The following NWD1 variants were observed in gnomAD, a reference collection of about 807,000 sequenced individuals.
NWD1 encodes NACHT domain- and WD repeat-containing protein 1.
In NWD1, 129 loss-of-function variants were observed where a neutral mutation model predicts 135.1. The observed-to-expected ratio is 0.96, with a 90% CI of 0.83 to 1.11. NWD1 has a LOEUF of 1.11. Among genes scored for constraint, NWD1 ranks in the 50% least tolerant of loss-of-function variants. NWD1 has a pLI of 0.00. For synonymous variants in NWD1, 773 were observed against 786.0 expected (o/e 0.98, Z 0.28); for missense variants, 1,740 against 1,851.3 (o/e 0.94, Z 1.10).
intron 10 of NWD1, among the ~76,000 whole-genome samples, chr19:16,768,514 T>C (rs1345321427): frequency 6.6e-6 from 1 of 152,246 alleles, no homozygotes; most frequent in Non-Finnish European, 1.5e-5. Context: ...CCACAAAAGC[T>C]ACACCATTTT....
chr19:16,771,857 AGCCTC>A (rs1172308858), intron 10 of NWD1, among the ~76,000 whole-genome samples: 2 of 134,384 alleles, frequency 1.5e-5, no homozygotes, highest in Non-Finnish European at 3.1e-5. Flanking sequence ...TTTGAGAAGG[AGCCTC>A]GCTCTGTCAC....
Position 16,807,986 on chromosome 19 carries a change from C to T in NWD1, c.4137C>T (p.Ser1379=), listed in dbSNP as rs1310112059. The T allele has an allele frequency of 1.2e-6, 2 of 1,614,114 alleles. No homozygotes were observed. Among genetic ancestry groups the T allele is most frequent in the African/African-American group, 1.3e-5 (1 of 75,020 alleles). ...TCTTTCTTTACGAGTGTGCAACTTC[C>T]AAAGCGTTTCCCTTGGAGACCCACA... ...GDLFLYECAT[S]KAFPLETHRS... is the part of the protein sequence containing the mutation. Residue 1379 remains serine, a synonymous_variant, in exon 18 of 19, where the codon TCC becomes TCT. Coordinates refer to ENST00000524140, the MANE Select transcript of NWD1 (RefSeq NM_001007525.5).
In NWD1 at chr19:16,749,230, C is replaced by A. The variant is rs369850508; in HGVS notation, c.588C>A (p.His196Gln). The A allele has an allele frequency of 1.5e-5, 24 of 1,614,010 alleles. No homozygotes were observed. Among genetic ancestry groups the A allele is most frequent in the Middle Eastern group, 1.6e-4 (1 of 6,084 alleles). The change falls in exon 6 of 19, where the codon CAC (histidine) becomes CAA (glutamine). Residue 196 changes from histidine to glutamine, a missense_variant. By Grantham distance (24) the His-to-Gln change is conservative. Coordinates refer to ENST00000524140, the MANE Select transcript of NWD1 (RefSeq NM_001007525.5). Reference protein sequence around the residue: ...TVFLREIQDLHKHILEDCALR... With the variant: ...TVFLREIQDLQKHILEDCALR... Reference sequence around the variant, plus strand: ...TCCTTAGAGAGATCCAAGACCTCCACAAACACATCCTTGAAGACTGCGCCC... The same window carrying A: ...TCCTTAGAGAGATCCAAGACCTCCAAAAACACATCCTTGAAGACTGCGCCC...
At chr19:16,784,358 C>G (rs28713378) in intron 12 of NWD1, among the ~76,000 whole-genome samples, 1 of 151,738 alleles carries the variant, frequency 6.6e-6, no homozygotes, top group Non-Finnish European at 1.5e-5. Context: ...ACAGCCAGAC[C>G]CGTATCTCTA....
chr19:16,793,101 A>G (rs996879351), intron 14 of NWD1, among the ~76,000 whole-genome samples: 3 of 151,918 alleles, frequency 2.0e-5, no homozygotes, highest in African/African-American at 7.2e-5. Context: ...GAATCATCCC[A>G]AATCCCAAAG....
intron 17 of NWD1, among the ~76,000 whole-genome samples, chr19:16,802,044 G>C (rs932453603): frequency 2.4e-4 from 36 of 152,016 alleles, no homozygotes; most frequent in Admixed American, 1.3e-3. Flanking sequence ...CCAGCACTTT[G>C]GGAGGCTGAG....
At chr19:16,750,830 A>G (rs1968547671) in intron 6 of NWD1, among the ~76,000 whole-genome samples, 1 of 152,136 alleles carries the variant, frequency 6.6e-6, no homozygotes, top group South Asian at 2.1e-4. Context: ...TTTGTCAACT[A>G]TACCTCAAAA....
intron 3 of NWD1, among the ~76,000 whole-genome samples, chr19:16,732,751 C>T (rs1967633679): frequency 6.6e-6 from 1 of 151,326 alleles, no homozygotes. Context: ...CCTCCTGTCT[C>T]AGCCTTCTGA....
At chr19:16,775,901 C>T (rs1253129539) in intron 11 of NWD1, among the ~76,000 whole-genome samples, 1 of 152,124 alleles carries the variant, frequency 6.6e-6, no homozygotes, top group Non-Finnish European at 1.5e-5. Flanking sequence ...CTCCTGACCT[C>T]AGGTGATCGC....
intron 9 of NWD1, 59 bp from the exon 10 acceptor site, chr19:16,764,975 C>T: frequency 6.4e-7 from 1 of 1,573,292 alleles, no homozygotes; most frequent in South Asian, 1.1e-5. Context: ...TCTCCACCTC[C>T]CAGGATGAAC....
chr19:16,753,928 C>G (rs1321084121), intron 6 of NWD1, among the ~76,000 whole-genome samples: 1 of 149,696 alleles, frequency 6.7e-6, no homozygotes, highest in African/African-American at 2.5e-5. Context: ...TATCCATCAT[C>G]TCAATCCTCC....
intron 1 of NWD1, among the ~76,000 whole-genome samples, chr19:16,721,071 A>G (rs1198671341): frequency 6.6e-6 from 1 of 152,014 alleles, no homozygotes; most frequent in Non-Finnish European, 1.5e-5. Context: ...GCTGGTCTCG[A>G]ACTCCTGGCC....
rs140203703 is a variant in NWD1 at position 16,756,992 on chromosome 19, C to A, written c.1770-2233C>A. ...ATGCCTGATGACCTGTCACTGTCTC[C>A]CATCACCCCCAGATGGGACTGTCTA... On this transcript the variant is annotated intron_variant, in intron 6 of 18. Coordinates refer to ENST00000524140, the MANE Select transcript of NWD1 (RefSeq NM_001007525.5). Among the ~76,000 whole-genome samples the A allele has an allele frequency of 7.2e-5, 11 of 152,236 alleles. No homozygotes were observed. In the East Asian group the frequency reaches 2.1e-3, roughly 29 times the overall value.
At chr19:16,726,588 C>T (rs12984437) in intron 2 of NWD1, among the ~76,000 whole-genome samples, 33,944 of 151,908 alleles carry the variant, frequency 0.22, 4,763 homozygotes, top group Middle Eastern at 0.36. Context: ...TACAGGCCTG[C>T]GCCACCACAC....
intron 10 of NWD1, among the ~76,000 whole-genome samples, chr19:16,770,341 C>A (rs567503043): frequency 2.0e-5 from 3 of 152,224 alleles, no homozygotes; most frequent in African/African-American, 7.2e-5. Flanking sequence ...AGCTCTCATT[C>A]TTCTCTCTCC....
In NWD1 at chr19:16,773,072, G is replaced by A. The variant is rs530537635; in HGVS notation, c.2411-54G>A. On this transcript the variant is annotated intron_variant, in intron 10 of 18. Coordinates refer to ENST00000524140, the MANE Select transcript of NWD1 (RefSeq NM_001007525.5). Reference sequence around the variant, plus strand: ...CAGGGAGCAGAGACTCAATTGGCAGGGAGGGTAGAGGGGGCTCAATCCAGG... The same window carrying A: ...CAGGGAGCAGAGACTCAATTGGCAGAGAGGGTAGAGGGGGCTCAATCCAGG... The A allele has an allele frequency of 3.3e-5, 49 of 1,478,242 alleles. No homozygotes were observed. The African/African-American group carries it at 5.7e-4, about 17-fold the overall frequency. The allele number at this position is 1,478,242 out of a possible 1,614,324, so 91.6% of individuals were successfully genotyped here.
chr19:16,736,632 A>C lies in NWD1; in HGVS notation c.82-2A>C, dbSNP rs957302302. On this transcript the variant is annotated splice_acceptor_variant, in intron 3 of 18. Transcript: ENST00000524140. LOFTEE classifies it high-confidence loss of function. The stretch of plus-strand genomic sequence containing the variant: ...TGACAAACTTGTGTTTCTATTTCCC[A>C]GGTCGTTGATCTGAGGTGGGGTATT... 7.3e-6 allele frequency: 11 copies of C among 1,516,084 alleles called. No individual in the cohort carries two copies. In the Admixed American group the frequency reaches 1.8e-4, roughly 24 times the overall value. The allele number at this position is 1,516,084 out of a possible 1,614,324, so 93.9% of individuals were successfully genotyped here. A position where few individuals can be genotyped will look rare whatever the true frequency, so the allele number is the denominator to read the frequency against.
rs760828435 is a variant in NWD1 at position 16,765,083 on chromosome 19, C to G, written c.2301C>G (p.Asp767Glu). Residue 767 changes from aspartate (D) to glutamate (E), a missense_variant, in exon 10 of 19, where the codon GAC (aspartate) becomes GAG (glutamate). Asp to Glu is a conservative substitution (Grantham distance 45, BLOSUM62 2). Coordinates refer to ENST00000524140, the MANE Select transcript of NWD1 (RefSeq NM_001007525.5). Reference protein sequence around the residue: ...SCRGISGGIEDLLDDFDLCAP... With the variant: ...SCRGISGGIEELLDDFDLCAP... ...GGGGCATCTCTGGGGGCATTGAAGA[C>G]CTGCTGGATGACTTTGACCTGTGTG... 3 of 1,614,028 alleles carry G rather than the reference C, an allele frequency of 1.9e-6. No homozygotes were observed. The South Asian group carries it at 3.3e-5, about 18-fold the overall frequency.
intron 12 of NWD1, among the ~76,000 whole-genome samples, chr19:16,788,379 G>A (rs1021874674): frequency 4.0e-5 from 6 of 150,254 alleles, no homozygotes; most frequent in South Asian, 2.1e-4. Flanking sequence ...GGCCAGCCTC[G>A]CCAACATAGT....
Sources: allele counts gnomAD v4.1 joint callset (sites outside exome capture counted in the v4.1 genomes callset), GRCh38; gene constraint gnomAD v4.1.1; transcripts MANE v1.5; gene names NCBI Gene and HGNC (gene_info 2026-07-23, HGNC 2026-07-21).